MACROD2: variants seen among roughly 807,000 people sequenced by gnomAD.
MACROD2 encodes the protein mono-ADP ribosylhydrolase 2.
MACROD2 carries 36 observed loss-of-function variants against 70.4 expected under a neutral mutation model. The observed-to-expected ratio is 0.51, with a 90% CI of 0.39 to 0.68. The LOEUF (loss-of-function observed/expected upper bound fraction) is 0.68. Among genes scored for constraint, MACROD2 ranks in the 30% least tolerant of loss-of-function variants. The pLI is 0.00. For synonymous variants in MACROD2, 172 were observed against 178.8 expected (o/e 0.96, Z 0.30); for missense variants, 496 against 538.4 (o/e 0.92, Z 0.78).
At chr20:14,897,205 G>T (rs2073840736) in intron 5 of MACROD2, among the ~76,000 whole-genome samples, 1 of 152,052 alleles carries the variant, frequency 6.6e-6, no homozygotes, top group Admixed American at 6.6e-5. Context: ...TACTTTCTAT[G>T]GACTGACTGC....
intron 3 of MACROD2, among the ~76,000 whole-genome samples, chr20:14,271,813 CT>C (rs1387059853): frequency 3.3e-5 from 5 of 152,142 alleles, no homozygotes; most frequent in Non-Finnish European, 7.4e-5. Flanking sequence ...GCTGATGGAG[CT>C]GAAAACCAAG....
chr20:15,659,380 G>C (rs1470646940), intron 8 of MACROD2, among the ~76,000 whole-genome samples: 1 of 133,752 alleles, frequency 7.5e-6, no homozygotes, highest in African/African-American at 2.8e-5. Flanking sequence ...GAATAGACCT[G>C]AGGCTGGGCA....
In MACROD2 at chr20:15,533,548, T is replaced by G. The variant is rs1464461927; in HGVS notation, c.645+33701T>G. Among the ~76,000 whole-genome samples, 374 of 49,534 alleles carry G rather than the reference T, an allele frequency of 7.6e-3. 8 individuals carry two copies. In the East Asian group the frequency reaches 0.16, roughly 22 times the overall value. 32.5% of individuals were successfully genotyped at this position (49,534 alleles called of 152,430 possible). On this transcript the variant is annotated intron_variant, in intron 8 of 17. Coordinates refer to ENST00000684519, the MANE Select transcript of MACROD2 (RefSeq NM_001351661.2). ...CTTTCTGTCTCTGTCTCTGTCGCTC[T>G]CTCTCTCTCTCTCTCTCTCTCTCTC...
chr20:14,115,454 G>A (rs1193240094), intron 3 of MACROD2, among the ~76,000 whole-genome samples: 1 of 152,180 alleles, frequency 6.6e-6, no homozygotes, highest in Non-Finnish European at 1.5e-5. Context: ...TGAGGATCAT[G>A]TATAAAAAAT....
intron 10 of MACROD2, among the ~76,000 whole-genome samples, chr20:15,910,529 A>G (rs1292002314): frequency 6.6e-6 from 1 of 152,050 alleles, no homozygotes; most frequent in Non-Finnish European, 1.5e-5. Context: ...AGAATTTGGA[A>G]ATAGATTAAA....
chr20:15,895,565 G>A (rs909689496), intron 10 of MACROD2, among the ~76,000 whole-genome samples: 2 of 152,244 alleles, frequency 1.3e-5, no homozygotes, highest in Admixed American at 1.3e-4. Context: ...GGTTCGAGAG[G>A]CTGAAGAAGA....
At chr20:15,969,348 C>T (rs889666247) in intron 13 of MACROD2, among the ~76,000 whole-genome samples, 4 of 151,844 alleles carry the variant, frequency 2.6e-5, no homozygotes, top group Admixed American at 2.6e-4. Context: ...AAAAAGGTAA[C>T]ATGAAAAACA....
intron 10 of MACROD2, among the ~76,000 whole-genome samples, chr20:15,887,707 A>AT (rs1416524543): frequency 6.6e-6 from 1 of 152,172 alleles, no homozygotes; most frequent in African/African-American, 2.4e-5. Flanking sequence ...CTAATGTATA[A>AT]TTTTAGATTT....
intron 5 of MACROD2, among the ~76,000 whole-genome samples, chr20:14,767,684 A>G (rs2072109275): frequency 6.6e-6 from 1 of 151,714 alleles, no homozygotes; most frequent in Admixed American, 6.6e-5. Context: ...GTACATATGC[A>G]GAACCTGCAG....
chr20:14,254,201 T>A (rs148097946), intron 3 of MACROD2, among the ~76,000 whole-genome samples: 144 of 152,172 alleles, frequency 9.5e-4, no homozygotes, highest in African/African-American at 3.3e-3. Flanking sequence ...ATATTGAGGA[T>A]TTTACTATTA....
intron 5 of MACROD2, among the ~76,000 whole-genome samples, chr20:15,221,280 A>T (rs2076859207): frequency 6.6e-6 from 1 of 152,058 alleles, no homozygotes; most frequent in East Asian, 1.9e-4. Context: ...GTCTATTTGG[A>T]CCTTCACCTC....
At chr20:14,530,194 A>C (rs6042782) in intron 4 of MACROD2, among the ~76,000 whole-genome samples, 10,365 of 152,090 alleles carry the variant, frequency 0.068, 1,180 homozygotes, top group African/African-American at 0.23. Context: ...TAATGTCCCC[A>C]GGGCCCTTGT....
At chr20:14,972,974 G>T (rs150103586) in intron 5 of MACROD2, among the ~76,000 whole-genome samples, 1 of 152,278 alleles carries the variant, frequency 6.6e-6, no homozygotes, top group African/African-American at 2.4e-5. Context: ...ATAATTAAGT[G>T]ATACTTTTAC....
intron 8 of MACROD2, among the ~76,000 whole-genome samples, chr20:15,624,826 G>A (rs1275068009): frequency 6.6e-6 from 1 of 152,094 alleles, no homozygotes; most frequent in African/African-American, 2.4e-5. Flanking sequence ...GGCACCACTG[G>A]TTAAGTCTTA....
intron 3 of MACROD2, among the ~76,000 whole-genome samples, chr20:14,440,786 C>A (rs1168430196): frequency 6.6e-6 from 1 of 152,152 alleles, no homozygotes; most frequent in Non-Finnish European, 1.5e-5. Context: ...CCAGGCCTCC[C>A]TTAGGTAGCT....
intron 5 of MACROD2, among the ~76,000 whole-genome samples, chr20:14,810,053 A>G (rs894712907): frequency 3.3e-5 from 5 of 152,102 alleles, no homozygotes; most frequent in African/African-American, 9.7e-5. Context: ...ATTCCAAACA[A>G]TAGAAAAAGA....
At chr20:14,946,880 A>G (rs945472205) in intron 5 of MACROD2, among the ~76,000 whole-genome samples, 2 of 152,090 alleles carry the variant, frequency 1.3e-5, no homozygotes, top group Non-Finnish European at 2.9e-5. Context: ...TTCTCCCCCA[A>G]TGGCTGATGA....
chr20:15,316,883 A>G (rs1395786615), intron 6 of MACROD2, among the ~76,000 whole-genome samples: 1 of 152,096 alleles, frequency 6.6e-6, no homozygotes, highest in Non-Finnish European at 1.5e-5. Context: ...GAAACCAATA[A>G]CAACAACAAC....
At chr20:14,529,862 T>G (rs2123203404) in intron 4 of MACROD2, among the ~76,000 whole-genome samples, 3 of 152,304 alleles carry the variant, frequency 2.0e-5, no homozygotes, top group Admixed American at 2.0e-4. Flanking sequence ...GAAAGATTCA[T>G]TTTTGAGATA....
Sources: gnomAD v4.1 joint callset for allele counts (sites outside exome capture counted in the v4.1 genomes callset) on GRCh38, gnomAD v4.1.1 for gene constraint, MANE v1.5 for transcripts, NCBI Gene and HGNC (gene_info 2026-07-23, HGNC 2026-07-21) for gene names.